USP24: variants seen among roughly 807,000 people sequenced by gnomAD.
USP24 encodes ubiquitin carboxyl-terminal hydrolase 24.
Under a neutral mutation model 361.6 loss-of-function variants are expected in USP24, and 97 were observed. The ratio of observed to expected loss-of-function variants is 0.27; its 90% CI spans 0.23 to 0.32. The LOEUF (loss-of-function observed/expected upper bound fraction) is 0.32. Ranked by LOEUF, USP24 falls within the 10% of genes least tolerant of loss-of-function variation. USP24 has a pLI of 1.00. For missense variants in USP24, 2,353 were observed against 3,165.6 expected (o/e 0.74, Z 6.16); for synonymous variants, 1,098 against 1,124.6 (o/e 0.98, Z 0.47).
At position 55,090,362 on chromosome 1, in the gene USP24, C is replaced by A. The variant is rs139262747; in HGVS notation, c.6555-622G>T. ...GAGCAAATTTCACAAACAAAAGTGA[C>A]CAATCCTATGCCAGGATAGGCATAG... is the stretch of plus-strand genomic sequence containing the variant. On this transcript the variant is annotated intron_variant, in intron 54 of 67. Transcript: ENST00000294383. 3.8e-3 allele frequency among the ~76,000 whole-genome samples: 581 copies of A among 152,260 alleles called. 5 individuals carry two copies. Among genetic ancestry groups the A allele is most frequent in the African/African-American group, 0.013 (544 of 41,548 alleles).
intron 1 of USP24, among the ~76,000 whole-genome samples, chr1:55,193,433 A>G (rs1292334266): frequency 1.3e-5 from 2 of 152,200 alleles, no homozygotes; most frequent in Non-Finnish European, 2.9e-5. Context: ...TCCAAAGGTG[A>G]TATCTTACAT....
chr1:55,086,161 T>C (rs865901437), intron 55 of USP24, 123 bp from the exon 56 acceptor site: 3 of 867,206 alleles, frequency 3.5e-6, no homozygotes, highest in Middle Eastern at 4.4e-4. Flanking sequence ...GTGTTAGCGC[T>C]TATGGGCCAA....
intron 17 of USP24, among the ~76,000 whole-genome samples, chr1:55,148,233 T>A (rs1647085825): frequency 6.7e-6 from 1 of 148,730 alleles, no homozygotes; most frequent in African/African-American, 2.5e-5. Flanking sequence ...CTTAACTATT[T>A]GAAAATTAAG....
intron 40 of USP24, among the ~76,000 whole-genome samples, chr1:55,106,766 T>C (rs1266679529): frequency 6.6e-6 from 1 of 152,188 alleles, no homozygotes. Flanking sequence ...AGAGTTAATT[T>C]TTCATTTGTC....
intron 7 of USP24, among the ~76,000 whole-genome samples, chr1:55,165,105 A>T (rs910078074): frequency 6.6e-6 from 1 of 152,074 alleles, no homozygotes; most frequent in Middle Eastern, 3.2e-3. Context: ...CTTCACCCAT[A>T]GAGGGACCAA....
intron 53 of USP24, among the ~76,000 whole-genome samples, 163 bp from the exon 54 acceptor site, chr1:55,092,289 A>T (rs1463766950): frequency 6.6e-6 from 1 of 152,264 alleles, no homozygotes; most frequent in Admixed American, 6.5e-5. Context: ...CATTATAAAA[A>T]AATGTTCCAT....
intron 7 of USP24, among the ~76,000 whole-genome samples, chr1:55,164,313 T>C (rs562158338): frequency 2.6e-5 from 4 of 152,194 alleles, no homozygotes; most frequent in African/African-American, 9.6e-5. Context: ...TGGTAACCGT[T>C]ACCTAGGTAT....
intron 63 of USP24, 53 bp downstream of exon 63, chr1:55,075,404 G>T: frequency 6.7e-7 from 1 of 1,500,514 alleles, no homozygotes; most frequent in East Asian, 2.4e-5. Context: ...CAGAACAATA[G>T]ATTATCCACA....
chr1:55,114,149 CAAAG>C lies in USP24; in HGVS notation c.4509-3907_4509-3904del, dbSNP rs375350912. On this transcript the variant is annotated intron_variant, in intron 38 of 67. Transcript: ENST00000294383. The stretch of plus-strand genomic sequence containing the variant: ...AGTGAACTCCCATTCACAATTACTA[CAAAG>C]AGAAAAAAATACCTAGGAATACAAC... 4.1e-4 allele frequency among the ~76,000 whole-genome samples: 63 copies of C among 152,130 alleles called. No homozygotes were observed. The South Asian group carries it at 0.013, about 31-fold the overall frequency.
At position 55,081,396 on chromosome 1, in the gene USP24, C is replaced by T. The variant is rs898545109; in HGVS notation, c.7004G>A (p.Arg2335Gln). 6.8e-6 allele frequency: 11 copies of T among 1,613,534 alleles called. No homozygotes were observed. Among genetic ancestry groups the T allele is most frequent in the African/African-American group, 4.0e-5 (3 of 74,866 alleles). Residue 2335 changes from arginine to glutamine, a missense_variant, in exon 59 of 68, where the codon CGA becomes CAA. By Grantham distance (43) the Arg-to-Gln change is conservative (BLOSUM62 1). Around this residue, in one of 8 missense-constraint regions of USP24, gnomAD observed 598 missense variants for 761.9 expected, o/e 0.78. Transcript: ENST00000294383. ...QIRRWSSAQAREFGNLHNTVA... is the reference protein window; with the variant it reads ...QIRRWSSAQAQEFGNLHNTVA... ...TGTATTGTGAAGATTCCCAAATTCT[C>T]GTGCTTGTGCTGAACTCCATCGACG...
At chr1:55,140,030 T>C (rs753874368) in intron 24 of USP24, among the ~76,000 whole-genome samples, 7 of 151,998 alleles carry the variant, frequency 4.6e-5, no homozygotes, top group Non-Finnish European at 8.8e-5. Flanking sequence ...GGAACAATTA[T>C]GGATACTGAA....
chr1:55,138,021 A>C, intron 26 of USP24, 117 bp from the exon 27 acceptor site: 1 of 974,716 alleles, frequency 1.0e-6, no homozygotes, highest in Non-Finnish European at 1.5e-6. Flanking sequence ...AACACAGCAG[A>C]GAACATAAAG....
At chr1:55,139,173 T>A (rs1427183036) in intron 24 of USP24, among the ~76,000 whole-genome samples, 163 bp from the exon 25 acceptor site, 1 of 152,204 alleles carries the variant, frequency 6.6e-6, no homozygotes, top group Non-Finnish European at 1.5e-5. Flanking sequence ...GGGAGGTGGT[T>A]CTACAAGCTC....
intron 38 of USP24, among the ~76,000 whole-genome samples, chr1:55,112,190 T>C (rs561010686): frequency 2.0e-5 from 3 of 152,230 alleles, no homozygotes; most frequent in African/African-American, 7.2e-5. Context: ...CTATAAATGC[T>C]TACATTTATT....
At chr1:55,181,313 T>G (rs746615830) in intron 1 of USP24, among the ~76,000 whole-genome samples, 1 of 152,132 alleles carries the variant, frequency 6.6e-6, no homozygotes, top group South Asian at 2.1e-4. Flanking sequence ...TAATTAAGCA[T>G]AGAAGACAAT....
At chr1:55,134,279 A>C in intron 29 of USP24, 49 bp downstream of exon 29, 2 of 1,581,072 alleles carry the variant, frequency 1.3e-6, no homozygotes, top group Non-Finnish European at 1.7e-6. Flanking sequence ...TTGGCTCCCT[A>C]ATGTTAGTAA....
intron 16 of USP24, 62 bp from the exon 17 acceptor site, chr1:55,148,632 G>T (rs1457757866): frequency 7.1e-6 from 9 of 1,265,108 alleles, no homozygotes; most frequent in African/African-American, 1.5e-5. Context: ...TCATTTATTA[G>T]CTATAAAAAA....
chr1:55,097,585 GA>G lies in USP24; in HGVS notation c.5715+12del, dbSNP rs1645526558. 10 of 1,525,544 alleles carry G rather than the reference GA, an allele frequency of 6.6e-6. No homozygotes were observed. Among genetic ancestry groups the G allele is most frequent in the Admixed American group, 2.4e-5 (1 of 41,372 alleles). 94.5% of individuals were successfully genotyped at this position (1,525,544 alleles called of 1,614,324 possible). A position where few individuals can be genotyped will look rare whatever the true frequency, so the allele number is the denominator to read the frequency against. On this transcript the variant is annotated intron_variant, in intron 48 of 67. Transcript: ENST00000294383. Reference sequence around the variant, plus strand: ...GAATGGTTGTGAAAAATTTCAGGAAGAAAAAAAGTTACCCTTATTTGTTCAT... The same window carrying G: ...GAATGGTTGTGAAAAATTTCAGGAAGAAAAAAGTTACCCTTATTTGTTCAT...
In USP24 at chr1:55,067,968, A is replaced by C. The variant is rs1299508275; in HGVS notation, c.*1077T>G. On this transcript the variant is annotated 3_prime_UTR_variant, in exon 68 of 68. Transcript: ENST00000294383. ...AATCTTAAACCTTGACTGACTTTTCAGTGTTAATTAGTCATGTTGAGGAGA... is the reference window on the plus strand; with the variant it reads ...AATCTTAAACCTTGACTGACTTTTCCGTGTTAATTAGTCATGTTGAGGAGA... 6.6e-6 allele frequency: 1 copy of C among 152,240 alleles called. No homozygotes were observed. Among genetic ancestry groups the C allele is most frequent in the African/African-American group, 2.4e-5 (1 of 41,460 alleles). The allele number at this position is 152,240 out of a possible 1,614,324, so 9.4% of individuals were successfully genotyped here. A position where few individuals can be genotyped will look rare whatever the true frequency, so the allele number is the denominator to read the frequency against.
Sources: allele counts gnomAD v4.1 joint callset (sites outside exome capture counted in the v4.1 genomes callset), GRCh38; gene constraint gnomAD v4.1.1; regional missense constraint gnomAD v4.1.1; transcripts MANE v1.5; gene names NCBI Gene and HGNC (gene_info 2026-07-23, HGNC 2026-07-21).